FGF14: variants seen among roughly 807,000 people sequenced by gnomAD.
FGF14 encodes fibroblast growth factor 14.
FGF14 carries 5 observed loss-of-function variants against 25.5 expected under a neutral mutation model. That is an observed-to-expected ratio of 0.20 (90% CI 0.10 to 0.41). The LOEUF is 0.41. Among genes scored for constraint, FGF14 ranks in the 10% least tolerant of loss-of-function variants. The pLI is 1.00. For missense variants in FGF14, 222 were observed against 320.1 expected (o/e 0.69, Z 2.34); for synonymous variants, 138 against 118.3 (o/e 1.17, Z -1.08).
chr13:102,179,957 A>G (rs2048600598), intron 1 of FGF14, among the ~76,000 whole-genome samples: 1 of 152,136 alleles, frequency 6.6e-6, no homozygotes, highest in Admixed American at 6.6e-5. Context: ...ACCTATAAAT[A>G]TGATTACTCC....
At chr13:101,887,779 T>C (rs771716332) in intron 1 of FGF14, among the ~76,000 whole-genome samples, 1 of 152,194 alleles carries the variant, frequency 6.6e-6, no homozygotes, top group Non-Finnish European at 1.5e-5. Flanking sequence ...TTTGAGGCAA[T>C]GGATATCCTA....
chr13:102,233,761 C>T (rs527574435), intron 1 of FGF14, among the ~76,000 whole-genome samples: 6 of 152,102 alleles, frequency 3.9e-5, no homozygotes, highest in Non-Finnish European at 7.4e-5. Context: ...TTACTCTTGT[C>T]GACACACAAC....
At chr13:102,096,881 G>T (rs1489841992) in intron 1 of FGF14, among the ~76,000 whole-genome samples, 2 of 152,094 alleles carry the variant, frequency 1.3e-5, no homozygotes, top group East Asian at 3.9e-4. Flanking sequence ...ATAAGAAGAA[G>T]AAATTATCCA....
chr13:101,783,961 G>T (rs1294384350), intron 3 of FGF14, among the ~76,000 whole-genome samples: 1 of 151,794 alleles, frequency 6.6e-6, no homozygotes, highest in African/African-American at 2.4e-5. Flanking sequence ...TTGCTTTTTT[G>T]TTGTTGTTGT....
At chr13:102,380,682 G>A (rs987390170) in intron 1 of FGF14, among the ~76,000 whole-genome samples, 1 of 152,044 alleles carries the variant, frequency 6.6e-6, no homozygotes, top group African/African-American at 2.4e-5. Context: ...AAAGAAACCA[G>A]GATAAATTTA....
chr13:102,059,776 G>A (rs962271000), intron 1 of FGF14, among the ~76,000 whole-genome samples: 6 of 151,868 alleles, frequency 4.0e-5, no homozygotes, highest in Non-Finnish European at 8.8e-5. Flanking sequence ...ACTGGAACCC[G>A]GGAGATGGAG....
Position 102,300,579 on chromosome 13 carries a change from A to G in FGF14, c.208+100892T>C, listed in dbSNP as rs1357510792. On this transcript the variant is annotated intron_variant, in intron 1 of 4. Coordinates refer to the FGF14 transcript ENST00000376131. ...TCTCCCTGGCCCCTCATCTCTAATC[A>G]GTTACCAAAGTGTGCCCAATCTATC... 3.9e-5 allele frequency among the ~76,000 whole-genome samples: 6 copies of G among 152,068 alleles called. No homozygotes were observed. The East Asian group carries it at 1.2e-3, about 29-fold the overall frequency.
intron 3 of FGF14, among the ~76,000 whole-genome samples, chr13:101,730,292 T>C (rs1311304091): frequency 2.6e-5 from 4 of 152,184 alleles, no homozygotes; most frequent in African/African-American, 4.8e-5. Context: ...GAAAGTTGTT[T>C]GTAGCACATG....
rs543996383 is a variant in FGF14, at chr13:102,012,761, GC to G, written c.209-137466del. On this transcript the variant is annotated intron_variant, in intron 1 of 4. Coordinates refer to the FGF14 transcript ENST00000376131. ...GCACTGGGGCTTGTGAGGATAGAGA[GC>G]AGCTCTCCCGTGGCACTGCCTCACT... is the stretch of plus-strand genomic sequence containing the variant. Among the ~76,000 whole-genome samples, 9 of 152,264 alleles carry G rather than the reference GC, an allele frequency of 5.9e-5. No homozygotes were observed. The South Asian group carries it at 1.5e-3, about 25-fold the overall frequency.
At chr13:102,197,138 T>C (rs985366416) in intron 1 of FGF14, among the ~76,000 whole-genome samples, 1 of 152,198 alleles carries the variant, frequency 6.6e-6, no homozygotes, top group Non-Finnish European at 1.5e-5. Context: ...TTACATTTGA[T>C]GAATGTACAA....
intron 1 of FGF14, among the ~76,000 whole-genome samples, chr13:102,284,356 G>T (rs1394287076): frequency 1.3e-5 from 2 of 152,138 alleles, no homozygotes; most frequent in Admixed American, 1.3e-4. Flanking sequence ...GAATGACTTA[G>T]GGTTGCTGGG....
chr13:102,290,077 T>G (rs1280645407), intron 1 of FGF14, among the ~76,000 whole-genome samples: 1 of 152,186 alleles, frequency 6.6e-6, no homozygotes, highest in East Asian at 1.9e-4. Flanking sequence ...AAGAGCTCAG[T>G]TGAGTAACTC....
intron 1 of FGF14, among the ~76,000 whole-genome samples, chr13:101,912,855 C>T (rs936506996): frequency 1.3e-5 from 2 of 152,004 alleles, no homozygotes; most frequent in African/African-American, 4.8e-5. Flanking sequence ...ATTAACCTTC[C>T]TTATTTCACT....
chr13:102,228,696 A>T (rs1006290074), intron 1 of FGF14, among the ~76,000 whole-genome samples: 12 of 152,190 alleles, frequency 7.9e-5, no homozygotes, highest in African/African-American at 2.9e-4. Context: ...AAGAAAGCAG[A>T]GGCTTAGGGA....
chr13:101,746,009 G>A (rs368978438), intron 3 of FGF14, among the ~76,000 whole-genome samples: 17 of 152,152 alleles, frequency 1.1e-4, no homozygotes, highest in African/African-American at 2.6e-4. Flanking sequence ...TCAATTCAGC[G>A]GAGATGTGCA....
At chr13:102,161,585 A>AAGAAGAAG (rs2047664709) in intron 1 of FGF14, among the ~76,000 whole-genome samples, 1 of 2,414 alleles carries the variant, frequency 4.1e-4, no homozygotes, top group Non-Finnish European at 6.1e-4. Context: ...AAGAAGAAGA[A>AAGAAGAAG]GAAGAAGAAG....
At chr13:102,275,234 T>TTCTC (rs938286146) in intron 1 of FGF14, among the ~76,000 whole-genome samples, 15 of 67,490 alleles carry the variant, frequency 2.2e-4, no homozygotes, top group Admixed American at 4.3e-4. Context: ...TTAGGCAGAT[T>TTCTC]TCTCTCTCTC....
intron 1 of FGF14, among the ~76,000 whole-genome samples, chr13:102,127,215 AACTGGAGACCAAGATTATT>A (rs1267977062): frequency 4.6e-5 from 7 of 152,206 alleles, no homozygotes; most frequent in African/African-American, 1.4e-4. Flanking sequence ...AGAGAGAAAA[AACTGGAGACCAAGATTATT>A]ACAATTATAA....
chr13:102,027,593 T>C (rs1366031558), intron 1 of FGF14, among the ~76,000 whole-genome samples: 1 of 152,112 alleles, frequency 6.6e-6, no homozygotes, highest in Non-Finnish European at 1.5e-5. Context: ...GTAAGTTTTC[T>C]CAAATCTATG....
Sources: gnomAD v4.1 joint callset for allele counts (sites outside exome capture counted in the v4.1 genomes callset) on GRCh38, gnomAD v4.1.1 for gene constraint, MANE v1.5 for transcripts, NCBI Gene and HGNC (gene_info 2026-07-23, HGNC 2026-07-21) for gene names.